VKORC1L1: variants seen among roughly 807,000 people sequenced by gnomAD.
VKORC1L1 encodes the protein vitamin K epoxide reductase complex subunit 1L1, also known as vitamin K epoxide reductase complex subunit 1-like protein 1.
Under a neutral mutation model 18.9 loss-of-function variants are expected in VKORC1L1, and 2 were observed. The observed-to-expected ratio is 0.11, with a 90% CI of 0.04 to 0.33. The LOEUF is 0.33. VKORC1L1 is among the 10% of genes least tolerant of loss of function. The pLI, the probability that VKORC1L1 is intolerant of heterozygous loss-of-function variation, is 1.00. For missense variants in VKORC1L1, 123 were observed against 224.1 expected (o/e 0.55, Z 2.88); for synonymous variants, 96 against 100.0 (o/e 0.96, Z 0.24).
At chr7:65,939,420 G>A (rs1356018822) in intron 1 of VKORC1L1, among the ~76,000 whole-genome samples, 3 of 152,210 alleles carry the variant, frequency 2.0e-5, no homozygotes, top group Non-Finnish European at 4.4e-5. Flanking sequence ...TGGATATGGT[G>A]GCAGTGGGGA....
intron 1 of VKORC1L1, among the ~76,000 whole-genome samples, chr7:65,887,902 A>G (rs1197945162): frequency 6.6e-6 from 1 of 152,206 alleles, no homozygotes; most frequent in Non-Finnish European, 1.5e-5. Flanking sequence ...GGACTGTACT[A>G]ATTTGCTGTT....
intron 1 of VKORC1L1, among the ~76,000 whole-genome samples, chr7:65,941,349 T>G (rs879313759): frequency 1.7e-4 from 26 of 152,116 alleles, no homozygotes; most frequent in Non-Finnish European, 3.7e-4. Flanking sequence ...CTCCTGGGCT[T>G]AAGCAGTTCT....
chr7:65,923,858 A>G (rs1462352122), intron 1 of VKORC1L1, among the ~76,000 whole-genome samples: 6 of 152,262 alleles, frequency 3.9e-5, no homozygotes, highest in Non-Finnish European at 5.9e-5. Context: ...ATGAGACATT[A>G]GATTTTAATG....
rs1296360600 is a variant in VKORC1L1, at chr7:65,873,275, A to AGGCGGCGGTGGCGGCGGT, written c.-90_-73dup. The AGGCGGCGGTGGCGGCGGT allele has an allele frequency of 4.2e-6, 4 of 949,172 alleles. No homozygotes were observed. Among genetic ancestry groups the AGGCGGCGGTGGCGGCGGT allele is most frequent in the Non-Finnish European group, 3.7e-6 (3 of 807,810 alleles). 58.8% of individuals were successfully genotyped at this position (949,172 alleles called of 1,614,324 possible). A position where few individuals can be genotyped will look rare whatever the true frequency, so the allele number is the denominator to read the frequency against. Reference sequence around the variant, plus strand: ...GCGGCGGTGGTGGCGGCGGCGGCGGAGGCGGCGGTGGCGGCGGTGGCGGCT... The same window carrying AGGCGGCGGTGGCGGCGGT: ...GCGGCGGTGGTGGCGGCGGCGGCGGAGGCGGCGGTGGCGGCGGTGGCGGCGGTGGCGGCGGTGGCGGCT... On this transcript the variant is annotated 5_prime_UTR_variant, in exon 1 of 3. Transcript: ENST00000360768.
intron 2 of VKORC1L1, among the ~76,000 whole-genome samples, chr7:65,949,479 C>T (rs1276437903): frequency 6.8e-6 from 1 of 147,708 alleles, no homozygotes; most frequent in Non-Finnish European, 1.5e-5. Context: ...AACTCCGTCT[C>T]ACAAAAAAGA....
At chr7:65,927,191 G>T (rs1789779933) in intron 1 of VKORC1L1, among the ~76,000 whole-genome samples, 1 of 152,096 alleles carries the variant, frequency 6.6e-6, no homozygotes, top group South Asian at 2.1e-4. Context: ...GGAGGCTGAG[G>T]CAGGAGAATC....
chr7:65,888,646 G>C (rs955597700), intron 1 of VKORC1L1, among the ~76,000 whole-genome samples: 12 of 152,108 alleles, frequency 7.9e-5, no homozygotes, highest in African/African-American at 2.7e-4. Context: ...GGGGGGTGCA[G>C]GGGGGAGTTG....
intron 1 of VKORC1L1, among the ~76,000 whole-genome samples, chr7:65,936,911 A>G (rs1395668031): frequency 1.3e-5 from 2 of 152,212 alleles, no homozygotes; most frequent in African/African-American, 4.8e-5. Context: ...TTCCTTTTAC[A>G]TGCTTACAGC....
chr7:65,920,492 A>C (rs888493321), intron 1 of VKORC1L1, among the ~76,000 whole-genome samples: 10 of 152,294 alleles, frequency 6.6e-5, no homozygotes, highest in Admixed American at 2.6e-4. Context: ...GTTATTGATT[A>C]ACATATAGAT....
chr7:65,896,775 C>CTGA (rs1460105793), intron 1 of VKORC1L1, among the ~76,000 whole-genome samples: 1 of 152,110 alleles, frequency 6.6e-6, no homozygotes, highest in Non-Finnish European at 1.5e-5. Context: ...CTGAGGCAGG[C>CTGA]TGATCACTTG....
intron 1 of VKORC1L1, among the ~76,000 whole-genome samples, chr7:65,924,946 A>G (rs1175822681): frequency 1.3e-5 from 2 of 151,930 alleles, no homozygotes; most frequent in Non-Finnish European, 2.9e-5. Flanking sequence ...GCTGTTTTCC[A>G]TCACCTTCAT....
intron 1 of VKORC1L1, among the ~76,000 whole-genome samples, chr7:65,896,080 T>C (rs1325390356): frequency 6.7e-6 from 1 of 150,190 alleles, no homozygotes; most frequent in African/African-American, 2.4e-5. Flanking sequence ...TTTTTTTTTT[T>C]GTAGTAGAGC....
At chr7:65,886,245 TATG>T (rs1004246318) in intron 1 of VKORC1L1, among the ~76,000 whole-genome samples, 72 of 152,342 alleles carry the variant, frequency 4.7e-4, no homozygotes, top group Non-Finnish European at 8.8e-4. Flanking sequence ...GGCAGTATAT[TATG>T]ATCTCTTTTT....
At chr7:65,872,466 C>T (rs1237313645), upstream of VKORC1L1, among the ~76,000 whole-genome samples, 1 of 151,706 alleles carries the variant, frequency 6.6e-6, no homozygotes. Context: ...GCGCCCACCA[C>T]GACACCGGGC....
At chr7:65,894,466 C>T (rs1210723620) in intron 1 of VKORC1L1, among the ~76,000 whole-genome samples, 1 of 152,048 alleles carries the variant, frequency 6.6e-6, no homozygotes, top group East Asian at 1.9e-4. Context: ...AAATTGGGGC[C>T]GGGCACGGTG....
intron 1 of VKORC1L1, among the ~76,000 whole-genome samples, chr7:65,940,343 A>G (rs1314652016): frequency 6.6e-6 from 1 of 152,206 alleles, no homozygotes; most frequent in East Asian, 1.9e-4. Context: ...ATGTATAATT[A>G]CATACCCAAA....
At chr7:65,920,253 G>GTC (rs1176940478) in intron 1 of VKORC1L1, among the ~76,000 whole-genome samples, 2 of 152,100 alleles carry the variant, frequency 1.3e-5, no homozygotes, top group East Asian at 1.9e-4. Flanking sequence ...TTTTCTGCTC[G>GTC]TCTCTCTCTC....
chr7:65,880,565 G>T (rs991752999), intron 1 of VKORC1L1, among the ~76,000 whole-genome samples: 12 of 152,256 alleles, frequency 7.9e-5, no homozygotes, highest in African/African-American at 1.4e-4. Context: ...TAGCTTTTTC[G>T]GAGGGAGGCC....
chr7:65,931,195 C>CT (rs1562651172), intron 1 of VKORC1L1, among the ~76,000 whole-genome samples: 1 of 150,692 alleles, frequency 6.6e-6, no homozygotes, highest in Non-Finnish European at 1.5e-5. Context: ...TTTTTTTTTC[C>CT]TTTTTTTCTT....
Sources: gnomAD v4.1 joint callset for allele counts (sites outside exome capture counted in the v4.1 genomes callset) on GRCh38, gnomAD v4.1.1 for gene constraint, MANE v1.5 for transcripts, NCBI Gene and HGNC (gene_info 2026-07-23, HGNC 2026-07-21) for gene names.